SIRT3: variants seen among roughly 807,000 people sequenced by gnomAD.
SIRT3 encodes the protein NAD-dependent protein deacetylase sirtuin-3, mitochondrial.
A neutral mutation model predicts 33.5 loss-of-function variants in SIRT3; 26 were observed. The ratio of observed to expected loss-of-function variants is 0.78; its 90% CI spans 0.57 to 1.08. The LOEUF (loss-of-function observed/expected upper bound fraction) is 1.08, where lower values mean the gene tolerates loss of function less well. Among genes scored for constraint, SIRT3 ranks in the 50% least tolerant of loss-of-function variants. The pLI is 0.00. For missense variants in SIRT3, 585 were observed against 530.1 expected, an observed-to-expected ratio of 1.10 and a Z score of -1.02; for synonymous variants, 237 against 222.1, an observed-to-expected ratio of 1.07 and a Z score of -0.60.
intron 4 of SIRT3, among the ~76,000 whole-genome samples, chr11:227,900 G>C (rs1029043617): frequency 2.6e-5 from 4 of 152,208 alleles, no homozygotes; most frequent in Non-Finnish European, 5.9e-5. Flanking sequence ...GGAATTACAG[G>C]CGTGAGCCAC....
rs1264712159 is a variant in SIRT3 at position 236,219 on chromosome 11, C to T, written c.110G>A (p.Arg37Gln). The T allele has an allele frequency of 1.3e-6, 2 of 1,559,294 alleles. No homozygotes were observed. The highest frequency in any genetic ancestry group is 1.4e-5 in the African/African-American group (1 of 73,342). ...ATCGTCCCTGCCGCCAAGCACCAGC[C>T]GACAGCCGCAGGCCTGAAACGGCCC... is the stretch of plus-strand genomic sequence containing the variant. ...GVGPFQACGC[R>Q]LVLGGRDDVS... Residue 37 changes from arginine to glutamine, a missense_variant, in exon 1 of 7, where the codon CGG becomes CAG. Transcript: ENST00000382743.
At chr11:227,455 AAAC>A (rs147564804) in intron 4 of SIRT3, among the ~76,000 whole-genome samples, 22,459 of 151,624 alleles carry the variant, frequency 0.15, 1,778 homozygotes, top group South Asian at 0.34. Flanking sequence ...CAAAAAATCC[AAAC>A]AACAACAACA....
In SIRT3 at chr11:236,309, C is replaced by T. The variant is rs1179244147; in HGVS notation, c.20G>A (p.Arg7His). Residue 7 changes from arginine (R) to histidine (H), a missense_variant, in exon 1 of 7, where the codon CGC (arginine) becomes CAC (histidine). Physicochemically the swap from Arg to His is conservative, Grantham distance 29 (BLOSUM62 0). Coordinates refer to ENST00000382743, the MANE Select transcript of SIRT3 (RefSeq NM_012239.6). MAFWGW[R>H]AAAALRLWGR... ...CCACAGCCGGAGGGCTGCCGCGGCG[C>T]GCCAACCCCAGAACGCCATGTTCCG... The T allele has an allele frequency of 6.6e-7, 1 of 1,518,522 alleles. No homozygotes were observed. Among genetic ancestry groups the T allele is most frequent in the South Asian group, 1.2e-5 (1 of 81,496 alleles). 94.1% of individuals were successfully genotyped at this position (1,518,522 alleles called of 1,614,324 possible).
At chr11:227,116 C>T (rs980505983) in intron 4 of SIRT3, among the ~76,000 whole-genome samples, 7 of 151,672 alleles carry the variant, frequency 4.6e-5, no homozygotes, top group South Asian at 2.1e-4. Flanking sequence ...GTGGAGAAAC[C>T]GCAAAACTCC....
upstream of SIRT3, chr11:236,712 T>C (rs1366069988): frequency 4.9e-6 from 2 of 410,224 alleles, no homozygotes; most frequent in East Asian, 1.1e-4. Flanking sequence ...AAAACACTAC[T>C]GGGAAGATCC....
At chr11:225,620 C>G (rs543258355) in intron 4 of SIRT3, 28 of 152,144 alleles carry the variant, frequency 1.8e-4, no homozygotes, top group African/African-American at 6.0e-4. Context: ...ATGGAAGGAC[C>G]TTATAACAGA....
In SIRT3 at chr11:222,913, T is replaced by C. The variant is rs896581547; in HGVS notation, c.969+1165A>G. 3.9e-5 allele frequency: 6 copies of C among 152,462 alleles called. No individual in the cohort carries two copies. The East Asian group carries it at 1.2e-3, about 29-fold the overall frequency. 9.4% of individuals were successfully genotyped at this position (152,462 alleles called of 1,614,324 possible). A position where few individuals can be genotyped will look rare whatever the true frequency, so the allele number is the denominator to read the frequency against. ...CACTGCAGCTGGTTCCCAACCCTTC[T>C]AGCCTTTCTATCCTACTTGTTATCT... On this transcript the variant is annotated intron_variant, in intron 5 of 6. Transcript: ENST00000382743.
intron 5 of SIRT3, among the ~76,000 whole-genome samples, chr11:221,073 A>G (rs1350683399): frequency 6.6e-6 from 1 of 151,900 alleles, no homozygotes; most frequent in Non-Finnish European, 1.5e-5. Context: ...TATTCACTAC[A>G]GCATTTACCC....
At chr11:236,701 C>T, upstream of SIRT3, 1 of 365,606 alleles carries the variant, frequency 2.7e-6, no homozygotes, top group Non-Finnish European at 5.1e-6. Context: ...CTAATCCTCG[C>T]AAAACACTAC....
At chr11:217,688 C>A (rs1033246468) in intron 6 of SIRT3, among the ~76,000 whole-genome samples, 1 of 152,208 alleles carries the variant, frequency 6.6e-6, no homozygotes, top group African/African-American at 2.4e-5. Flanking sequence ...GAGTGCTGAC[C>A]CCATGGCCCT....
intron 1 of SIRT3, chr11:233,773 T>C (rs1358401376): frequency 2.0e-6 from 1 of 499,038 alleles, no homozygotes; most frequent in Non-Finnish European, 3.6e-6. Flanking sequence ...ATGGGAACTG[T>C]GCTCATTTCA....
At position 223,478 on chromosome 11, in the gene SIRT3, A is replaced by C. The variant is rs1590136508; in HGVS notation, c.969+600T>G. ...CCTGGCACTGCTTGCTCCACTCTCCACTCCCCAAAGGCCTCCCTGACCCCA... is the reference window on the plus strand; with the variant it reads ...CCTGGCACTGCTTGCTCCACTCTCCCCTCCCCAAAGGCCTCCCTGACCCCA... On this transcript the variant is annotated intron_variant, in intron 5 of 6. Transcript: ENST00000382743. This position sits in a 1 kb window ranked among gnomAD's most constrained non-coding sequence, Gnocchi z 4.8. 3.4e-6 allele frequency: 1 copy of C among 293,070 alleles called. No individual in the cohort carries two copies. The allele number at this position is 293,070 out of a possible 1,614,324, so 18.2% of individuals were successfully genotyped here.
chr11:226,993 T>G (rs958320695), intron 4 of SIRT3, among the ~76,000 whole-genome samples: 4 of 150,732 alleles, frequency 2.7e-5, no homozygotes, highest in African/African-American at 9.8e-5. Context: ...CCTCAGGCGA[T>G]CCACCCACCC....
chr11:236,884 G>C (rs1023782337), upstream of SIRT3: 10 of 640,980 alleles, frequency 1.6e-5, no homozygotes, highest in African/African-American at 3.7e-5. Context: ...GGAGCGCAGA[G>C]ACGCGCTGTA....
intron 5 of SIRT3, among the ~76,000 whole-genome samples, chr11:219,400 A>C (rs1856120018): frequency 6.6e-6 from 1 of 152,146 alleles, no homozygotes. Flanking sequence ...AGCATGACGC[A>C]GAGGGACAAC....
At chr11:225,083 A>G (rs1007668729) in intron 4 of SIRT3, among the ~76,000 whole-genome samples, 2 of 141,698 alleles carry the variant, frequency 1.4e-5, no homozygotes, top group African/African-American at 5.0e-5. Flanking sequence ...TAGCAAAAAA[A>G]AAAATTAAGG....
At chr11:233,691 C>G in intron 1 of SIRT3, 157 bp from the exon 2 acceptor site, 1 of 677,238 alleles carries the variant, frequency 1.5e-6, no homozygotes, top group Non-Finnish European at 2.5e-6. Context: ...TCTTAGACGA[C>G]TATTGGGGTA....
chr11:216,471 G>A lies in SIRT3; in HGVS notation c.*227C>T. 1.8e-6 allele frequency: 1 copy of A among 558,370 alleles called. No individual in the cohort carries two copies. Among genetic ancestry groups the A allele is most frequent in the Non-Finnish European group, 3.2e-6 (1 of 312,550 alleles). 34.6% of individuals were successfully genotyped at this position (558,370 alleles called of 1,614,324 possible). A position where few individuals can be genotyped will look rare whatever the true frequency, so the allele number is the denominator to read the frequency against. ...AGAGTTCAACACAGCAAACAGGCAG[G>A]CAGCTCCTTTGTATATGTGACGGGG... On this transcript the variant is annotated 3_prime_UTR_variant, in exon 7 of 7. Transcript: ENST00000382743.
In SIRT3 at chr11:233,103, C is replaced by T; in HGVS notation, c.586G>A (p.Ala196Thr). 4.3e-6 allele frequency: 7 copies of T among 1,614,028 alleles called. No individual in the cohort carries two copies. The highest frequency in any genetic ancestry group is 5.9e-6 in the Non-Finnish European group (7 of 1,180,012). ...TAGTTTCCAGGGTACAGCTCCTTGG[C>T]CAAAGTGAAAAAGGGCTTGGGGTTG... Reference protein sequence around the residue: ...FHNPKPFFTLAKELYPGNYKP... With the variant: ...FHNPKPFFTLTKELYPGNYKP... Residue 196 changes from alanine (A) to threonine (T), a missense_variant, in exon 3 of 7, where the codon GCC becomes ACC. By Grantham distance (58) the Ala-to-Thr change is moderately conservative. Transcript: ENST00000382743.
Sources: gnomAD v4.1 joint callset for allele counts (sites outside exome capture counted in the v4.1 genomes callset) on GRCh38, gnomAD v4.1.1 for gene constraint, Gnocchi (gnomAD v3.1) non-coding constraint, MANE v1.5 for transcripts, NCBI Gene and HGNC (gene_info 2026-07-23, HGNC 2026-07-21) for gene names.